Variants in SLC6A12 observed in about 807,000 individuals in gnomAD.
SLC6A12 encodes solute carrier family 6 member 12, also known as sodium- and chloride-dependent betaine transporter.
Under a neutral mutation model 73.3 loss-of-function variants are expected in SLC6A12, and 50 were observed. The ratio of observed to expected loss-of-function variants is 0.68; its 90% CI spans 0.54 to 0.86. SLC6A12 has a LOEUF of 0.86. Among genes scored for constraint, SLC6A12 ranks in the 40% least tolerant of loss-of-function variants. The pLI is 0.00. For synonymous variants in SLC6A12, 304 were observed against 309.2 expected, an observed-to-expected ratio of 0.98 and a Z score of 0.18; for missense variants, 648 against 772.8, an observed-to-expected ratio of 0.84 and a Z score of 1.92.
chr12:193,197 G>A (rs1939693749), intron 14 of SLC6A12, 80 bp downstream of exon 14: 2 of 996,966 alleles, frequency 2.0e-6, no homozygotes, highest in Admixed American at 3.4e-5. Flanking sequence ...AAAGAGCCCT[G>A]CATGTCAGCC....
chr12:209,389 G>A (rs927543178), intron 3 of SLC6A12, among the ~76,000 whole-genome samples: 3 of 152,130 alleles, frequency 2.0e-5, no homozygotes, highest in Non-Finnish European at 4.4e-5. Context: ...CACGGAGGGT[G>A]GCACACGGAA....
At chr12:200,262 C>A (rs574768130) in intron 7 of SLC6A12, among the ~76,000 whole-genome samples, 3 of 151,038 alleles carry the variant, frequency 2.0e-5, no homozygotes, top group Non-Finnish European at 4.4e-5. Context: ...GTGCCCACCA[C>A]CACGCCCGGC....
In SLC6A12 at chr12:202,821, G is replaced by C; in HGVS notation, c.409C>G (p.Leu137Val). Reference sequence around the variant, plus strand: ...AACAGGTAGAAGAGAGCCCAGGCAAGGATGATGATGTAGTAGACATTCAAA... The same window carrying C: ...AACAGGTAGAAGAGAGCCCAGGCAACGATGATGATGTAGTAGACATTCAAA... ...SYLNVYYIII[L>V]AWALFYLFSS... is the part of the protein sequence containing the mutation. The change falls in exon 5 of 16, where the codon CTT becomes GTT. Residue 137 changes from leucine to valine, a missense_variant. Physicochemically the swap from Leu to Val is conservative, Grantham distance 32. Coordinates refer to ENST00000684302, the MANE Select transcript of SLC6A12 (RefSeq NM_001122848.3). The C allele has an allele frequency of 2.5e-6, 4 of 1,613,882 alleles. No individual in the cohort carries two copies. Among genetic ancestry groups the C allele is most frequent in the Non-Finnish European group, 3.4e-6 (4 of 1,179,812 alleles).
downstream of SLC6A12, among the ~76,000 whole-genome samples, chr12:186,974 T>G (rs1325236012): frequency 6.6e-6 from 1 of 152,050 alleles, no homozygotes; most frequent in African/African-American, 2.4e-5. Flanking sequence ...GGGCTCCTGT[T>G]CCCTCCCCTG....
downstream of SLC6A12, among the ~76,000 whole-genome samples, chr12:187,587 A>C (rs1343595846): frequency 2.4e-5 from 2 of 82,856 alleles, no homozygotes; most frequent in Admixed American, 1.4e-4. Context: ...ACTGCAAAAG[A>C]GCAAAAAAAA....
chr12:188,337 C>T (rs955130810), downstream of SLC6A12, among the ~76,000 whole-genome samples: 16 of 152,246 alleles, frequency 1.1e-4, no homozygotes, highest in South Asian at 1.0e-3. Flanking sequence ...CCCTCACTGC[C>T]CCGGGCCGGC....
At chr12:191,768 G>A (rs918831737) in intron 15 of SLC6A12, among the ~76,000 whole-genome samples, 1 of 152,098 alleles carries the variant, frequency 6.6e-6, no homozygotes, top group Non-Finnish European at 1.5e-5. Flanking sequence ...GGTGATAAAC[G>A]TGATGATGAA....
chr12:210,141 C>T, intron 2 of SLC6A12, 98 bp from the exon 3 acceptor site: 1 of 1,376,246 alleles, frequency 7.3e-7, no homozygotes, highest in Admixed American at 2.6e-5. Context: ...TGTTGTTCTT[C>T]CCAAGTGCTC....
At chr12:202,667 G>A (rs879528369) in intron 5 of SLC6A12, 73 bp downstream of exon 5, 7 of 1,492,078 alleles carry the variant, frequency 4.7e-6, no homozygotes, top group Admixed American at 1.8e-5. Context: ...ACTCCCCGTC[G>A]TTGCTTGGAT....
At chr12:186,469 C>T (rs568935063), downstream of SLC6A12, among the ~76,000 whole-genome samples, 3 of 152,240 alleles carry the variant, frequency 2.0e-5, no homozygotes, top group African/African-American at 7.2e-5. Flanking sequence ...TGGGGTCAGG[C>T]ATTTGGGGCC....
intron 6 of SLC6A12, chr12:201,455 T>C (rs1479276564): frequency 6.3e-6 from 2 of 318,432 alleles, no homozygotes; most frequent in Non-Finnish European, 1.2e-5. Flanking sequence ...CACACTCAGC[T>C]CCCCTAAAGC....
intron 3 of SLC6A12, among the ~76,000 whole-genome samples, chr12:209,131 C>A (rs1387508907): frequency 6.6e-6 from 1 of 152,208 alleles, no homozygotes; most frequent in East Asian, 1.9e-4. Flanking sequence ...GCTTCCACCC[C>A]CAGGACCTTG....
downstream of SLC6A12, among the ~76,000 whole-genome samples, chr12:186,366 T>C (rs1320686846): frequency 6.6e-6 from 1 of 152,156 alleles, no homozygotes; most frequent in Non-Finnish European, 1.5e-5. Context: ...CTGCAAGCAA[T>C]TGGATCCAAG....
chr12:184,366 T>G, the SLC6A12 span, among the ~76,000 whole-genome samples: 2 of 152,148 alleles, frequency 1.3e-5, no homozygotes, highest in Non-Finnish European at 2.9e-5. Context: ...GGCTCACACC[T>G]GTAATCCCAG....
At chr12:188,385 G>A (rs1356492228), downstream of SLC6A12, among the ~76,000 whole-genome samples, 1 of 152,120 alleles carries the variant, frequency 6.6e-6, no homozygotes, top group African/African-American at 2.4e-5. Flanking sequence ...GGCCCGCCGA[G>A]CCCACGCCCA....
Position 193,383 on chromosome 12 carries a change from C to T in SLC6A12, c.1430-6G>A, listed in dbSNP as rs756505662. On this transcript the variant is annotated splice_region_variant and splice_polypyrimidine_tract_variant and intron_variant, in intron 13 of 15. Coordinates refer to ENST00000684302, the MANE Select transcript of SLC6A12 (RefSeq NM_001122848.3). ...GTCATAGAAACGGTCCGCCCCTGAG[C>T]AGGCATGGCGTGGGAGAGTGTGAGA... 3 of 1,609,910 alleles carry T rather than the reference C, an allele frequency of 1.9e-6. No individual in the cohort carries two copies. Among genetic ancestry groups the T allele is most frequent in the Non-Finnish European group, 1.7e-6 (2 of 1,176,610 alleles).
At chr12:205,732 T>A (rs1219433439) in intron 3 of SLC6A12, among the ~76,000 whole-genome samples, 1 of 152,244 alleles carries the variant, frequency 6.6e-6, no homozygotes, top group East Asian at 1.9e-4. Context: ...AGCACACACA[T>A]GTATTTCTTT....
At chr12:185,591 G>A (rs1939416967), downstream of SLC6A12, among the ~76,000 whole-genome samples, 1 of 152,256 alleles carries the variant, frequency 6.6e-6, no homozygotes, top group Admixed American at 6.5e-5. Context: ...GTTATGCACT[G>A]ACCCTGTGGA....
At chr12:200,106 CTTTTTT>C (rs33929668) in intron 7 of SLC6A12, among the ~76,000 whole-genome samples, 2 of 104,570 alleles carry the variant, frequency 1.9e-5, no homozygotes, top group African/African-American at 3.9e-5. Context: ...CCTGAATATT[CTTTTTT>C]TTTTTTTTTT....
Sources: gnomAD v4.1 joint callset for allele counts (sites outside exome capture counted in the v4.1 genomes callset) on GRCh38, gnomAD v4.1.1 for gene constraint, MANE v1.5 for transcripts, NCBI Gene and HGNC (gene_info 2026-07-23, HGNC 2026-07-21) for gene names.